The following EIF4ENIF1 variants were observed in gnomAD, a reference collection of about 807,000 sequenced individuals.
The protein encoded by EIF4ENIF1 is eukaryotic translation initiation factor 4E nuclear import factor 1.
EIF4ENIF1 carries 23 observed loss-of-function variants against 110.5 expected under a neutral mutation model. That is an observed-to-expected ratio of 0.21 (90% CI 0.15 to 0.29). The LOEUF (loss-of-function observed/expected upper bound fraction) is 0.29, where lower values mean the gene tolerates loss of function less well. Ranked by LOEUF, EIF4ENIF1 falls within the 10% of genes least tolerant of loss-of-function variation. The pLI is 1.00. For missense variants in EIF4ENIF1, 1,031 were observed against 1,221.1 expected, an observed-to-expected ratio of 0.84 and a Z score of 2.32; for synonymous variants, 440 against 437.0, an observed-to-expected ratio of 1.01 and a Z score of -0.09.
At chr22:31,478,345 T>G (rs2051670021) in intron 2 of EIF4ENIF1, among the ~76,000 whole-genome samples, 1 of 144,448 alleles carries the variant, frequency 6.9e-6, no homozygotes, top group African/African-American at 2.4e-5. Flanking sequence ...AAACCACGTC[T>G]CTACTAAAAA....
intron 3 of EIF4ENIF1, 111 bp downstream of exon 3, chr22:31,471,733 C>T: frequency 1.0e-6 from 1 of 970,934 alleles, no homozygotes; most frequent in African/African-American, 1.7e-5. Flanking sequence ...CCCTCTTTCA[C>T]TTATAATTCT....
intron 2 of EIF4ENIF1, among the ~76,000 whole-genome samples, chr22:31,475,873 A>C (rs1461217578): frequency 2.0e-5 from 3 of 151,976 alleles, no homozygotes. Context: ...GAAAAAAACA[A>C]AACACACCAC....
At chr22:31,488,846 G>T in intron 1 of EIF4ENIF1, 101 bp from the exon 2 acceptor site, 1 of 1,371,236 alleles carries the variant, frequency 7.3e-7, no homozygotes, top group Non-Finnish European at 9.7e-7. Flanking sequence ...TCTCAAAACA[G>T]CTAGTGTTAA....
intron 4 of EIF4ENIF1, among the ~76,000 whole-genome samples, chr22:31,466,127 T>C (rs1255085718): frequency 2.0e-5 from 3 of 151,824 alleles, no homozygotes; most frequent in Admixed American, 6.6e-5. Context: ...AATACAAAAA[T>C]TGGGGCCAGG....
intron 16 of EIF4ENIF1, among the ~76,000 whole-genome samples, 173 bp downstream of exon 16, chr22:31,442,789 C>T (rs1230057516): frequency 6.6e-6 from 1 of 152,108 alleles, no homozygotes; most frequent in Non-Finnish European, 1.5e-5. Flanking sequence ...GTGAGCTGGC[C>T]CAATTCTTCT....
At chr22:31,442,186 T>A in intron 16 of EIF4ENIF1, 68 bp from the exon 17 acceptor site, 1 of 1,205,858 alleles carries the variant, frequency 8.3e-7, no homozygotes, top group Non-Finnish European at 1.2e-6. Context: ...CCCACTGGTC[T>A]AATAAATCTC....
chr22:31,463,555 G>T, intron 5 of EIF4ENIF1, 126 bp downstream of exon 5: 3 of 922,824 alleles, frequency 3.3e-6, no homozygotes, highest in African/African-American at 1.7e-5. Context: ...GGTGGTGCGT[G>T]CCTATAATCC....
chr22:31,446,544 G>T (rs1489292206), intron 14 of EIF4ENIF1, among the ~76,000 whole-genome samples: 1 of 152,058 alleles, frequency 6.6e-6, no homozygotes, highest in Non-Finnish European at 1.5e-5. Context: ...GTAACTTTAA[G>T]AATCACATCA....
intron 3 of EIF4ENIF1, among the ~76,000 whole-genome samples, chr22:31,470,673 G>C (rs2051343626): frequency 6.7e-6 from 1 of 149,180 alleles, no homozygotes; most frequent in African/African-American, 2.5e-5. Context: ...TCAATTTCCT[G>C]GTTAAATAGG....
chr22:31,482,473 G>C (rs1346757591), intron 2 of EIF4ENIF1, among the ~76,000 whole-genome samples: 1 of 151,970 alleles, frequency 6.6e-6, no homozygotes, highest in Admixed American at 6.6e-5. Flanking sequence ...CTTGAGGTCA[G>C]GAGTTTGAGA....
chr22:31,447,633 T>G, intron 13 of EIF4ENIF1, 68 bp from the exon 14 acceptor site: 1 of 1,510,068 alleles, frequency 6.6e-7, no homozygotes, highest in Non-Finnish European at 8.9e-7. Context: ...AAGGTTTCTC[T>G]TCACTCTTAG....
At chr22:31,480,743 AAAAC>A (rs2051786451) in intron 2 of EIF4ENIF1, among the ~76,000 whole-genome samples, 1 of 151,826 alleles carries the variant, frequency 6.6e-6, no homozygotes. Flanking sequence ...CAACAGGAAC[AAAAC>A]TCCCTCTGAA....
rs549124262 is a variant in EIF4ENIF1, at chr22:31,474,902, G to A, written c.97-2985C>T. Among the ~76,000 whole-genome samples the A allele has an allele frequency of 2.4e-4, 37 of 152,256 alleles. 1 individual carries two copies. The South Asian group carries it at 7.0e-3, about 29-fold the overall frequency. On this transcript the variant is annotated intron_variant, in intron 2 of 18. Transcript: ENST00000330125. ...TGACTTTGGCAACACTCCCATCCCA[G>A]GCCTTGTAGTAGGAGAATGTGCACT...
At chr22:31,437,357 A>G (rs578149366), downstream of EIF4ENIF1, 1 of 152,116 alleles carries the variant, frequency 6.6e-6, no homozygotes, top group East Asian at 1.9e-4. Flanking sequence ...AAGACATCAA[A>G]AGTTTCTCCA....
intron 10 of EIF4ENIF1, among the ~76,000 whole-genome samples, chr22:31,453,726 C>T (rs2050741207): frequency 6.6e-6 from 1 of 151,996 alleles, no homozygotes; most frequent in Admixed American, 6.6e-5. Context: ...GCAGGTAATC[C>T]CTGGTATCTG....
At position 31,456,515 on chromosome 22, in the gene EIF4ENIF1, A is replaced by G. The variant is rs191874813; in HGVS notation, c.964-528T>C. ...TGGGATTACAAGCATGAGCCACCAC[A>G]CCCGGTCTACTATTTTTTTAAGACA... On this transcript the variant is annotated intron_variant, in intron 7 of 18. Transcript: ENST00000330125. Among the ~76,000 whole-genome samples, 1,385 of 139,312 alleles carry G rather than the reference A, an allele frequency of 9.9e-3. 16 individuals are homozygous for G. Among genetic ancestry groups the G allele is most frequent in the African/African-American group, 0.027 (975 of 36,728 alleles). The allele number at this position is 139,312 out of a possible 152,430, so 91.4% of individuals were successfully genotyped here. A position where few individuals can be genotyped will look rare whatever the true frequency, so the allele number is the denominator to read the frequency against.
chr22:31,493,248 C>T (rs1037190621), upstream of EIF4ENIF1, among the ~76,000 whole-genome samples: 1 of 152,004 alleles, frequency 6.6e-6, no homozygotes, highest in Non-Finnish European at 1.5e-5. Context: ...CCAGGATGGT[C>T]TCGATCTCCT....
chr22:31,474,574 G>A (rs1470105786), intron 2 of EIF4ENIF1, among the ~76,000 whole-genome samples: 1 of 149,706 alleles, frequency 6.7e-6, no homozygotes, highest in African/African-American at 2.5e-5. Flanking sequence ...AGCTATTTCT[G>A]AGAAATCCTA....
upstream of EIF4ENIF1, among the ~76,000 whole-genome samples, chr22:31,491,655 C>T (rs2052285166): frequency 6.6e-6 from 1 of 152,156 alleles, no homozygotes; most frequent in African/African-American, 2.4e-5. Context: ...CTGCTCCAGC[C>T]TCAGCCTCCC....
Sources: allele counts gnomAD v4.1 joint callset (sites outside exome capture counted in the v4.1 genomes callset), GRCh38; gene constraint gnomAD v4.1.1; transcripts MANE v1.5; gene names NCBI Gene and HGNC (gene_info 2026-07-23, HGNC 2026-07-21).